TMEM51: variants seen among roughly 807,000 people sequenced by gnomAD.
TMEM51 encodes chromosome 1 open reading frame 72.
Under a neutral mutation model 13.6 loss-of-function variants are expected in TMEM51, and 8 were observed. The observed-to-expected ratio is 0.59, with a 90% confidence interval of 0.35 to 1.07. The LOEUF is 1.07. Among genes scored for constraint, TMEM51 ranks in the 50% least tolerant of loss-of-function variants. The probability of loss-of-function intolerance (pLI) is 0.02; values close to 1 mark genes in which losing one functional copy is unlikely to be tolerated. For synonymous variants in TMEM51, 147 were observed against 144.4 expected, an observed-to-expected ratio of 1.02 and a Z score of -0.13; for missense variants, 279 against 330.7, an observed-to-expected ratio of 0.84 and a Z score of 1.21.
intron 1 of TMEM51, among the ~76,000 whole-genome samples, chr1:15,169,443 A>G (rs1050321077): frequency 2.0e-5 from 3 of 152,044 alleles, no homozygotes; most frequent in African/African-American, 7.3e-5. Flanking sequence ...TAAAAATGAG[A>G]GCCTTTTCCC....
chr1:15,219,680 G>A lies in TMEM51; in HGVS notation c.699G>A (p.Leu233=). ...KNVPPPSIEP[L]TPPPQYDEVQ... ...TCCCTCCTCCCTCGATAGAGCCTTT[G>A]ACTCCTCCACCGCAGTATGATGAAG... The change falls in exon 4 of 4, where the codon TTG becomes TTA. Residue 233 remains leucine, a synonymous_variant. Transcript: ENST00000376008. 3 of 1,613,934 alleles carry A rather than the reference G, an allele frequency of 1.9e-6. No individual in the cohort carries two copies. The highest frequency in any genetic ancestry group is 2.5e-6 in the Non-Finnish European group (3 of 1,180,040).
At chr1:15,153,564 T>A (rs1002760854), upstream of TMEM51, among the ~76,000 whole-genome samples, 1 of 151,972 alleles carries the variant, frequency 6.6e-6, no homozygotes, top group Non-Finnish European at 1.5e-5. Context: ...TCCAGCGGCA[T>A]ACGCTGGGGA....
At chr1:15,210,041 A>G (rs993891211) in intron 1 of TMEM51, among the ~76,000 whole-genome samples, 4 of 151,962 alleles carry the variant, frequency 2.6e-5, no homozygotes, top group Non-Finnish European at 4.4e-5. Context: ...GAAGGAAGGA[A>G]GGGAGGAAGG....
chr1:15,210,024 CAGGA>C (rs1428283410), intron 1 of TMEM51, among the ~76,000 whole-genome samples: 3 of 151,370 alleles, frequency 2.0e-5, no homozygotes, highest in African/African-American at 7.3e-5. Flanking sequence ...AAGTAAGACT[CAGGA>C]AGGAAGGAAG....
At chr1:15,168,524 C>G (rs1643111978) in intron 1 of TMEM51, 4 of 1,304,624 alleles carry the variant, frequency 3.1e-6, no homozygotes, top group Non-Finnish European at 4.0e-6. Flanking sequence ...TGATTGGAAG[C>G]TGGTAGAACC....
intron 1 of TMEM51, among the ~76,000 whole-genome samples, chr1:15,205,406 G>A (rs925480239): frequency 6.6e-6 from 1 of 152,160 alleles, no homozygotes; most frequent in Non-Finnish European, 1.5e-5. Context: ...CTGAGGCTGA[G>A]CCCTCACCCT....
intron 1 of TMEM51, among the ~76,000 whole-genome samples, chr1:15,195,884 A>G (rs1644037968): frequency 6.6e-6 from 1 of 152,030 alleles, no homozygotes; most frequent in African/African-American, 2.4e-5. Context: ...AAAGAAGCCC[A>G]AGCAGTCCTG....
upstream of TMEM51, chr1:15,152,800 G>C (rs1045595396): frequency 6.6e-6 from 1 of 152,222 alleles, no homozygotes; most frequent in African/African-American, 2.4e-5. Context: ...AGGCTTCCGC[G>C]CCGACTTCGG....
At chr1:15,179,870 G>A (rs1463624079) in intron 1 of TMEM51, among the ~76,000 whole-genome samples, 2 of 152,320 alleles carry the variant, frequency 1.3e-5, no homozygotes, top group African/African-American at 4.8e-5. Flanking sequence ...CTGAAAGAAG[G>A]TATGCACATA....
At chr1:15,191,065 G>A (rs1643911674) in intron 1 of TMEM51, among the ~76,000 whole-genome samples, 2 of 152,230 alleles carry the variant, frequency 1.3e-5, no homozygotes, top group African/African-American at 4.8e-5. Context: ...GGGATTACAG[G>A]CGTGAGCCAC....
intron 1 of TMEM51, among the ~76,000 whole-genome samples, chr1:15,159,554 T>C (rs1642701912): frequency 6.6e-6 from 1 of 152,222 alleles, no homozygotes. Context: ...GGCATTTCTT[T>C]TTTTGTTTTG....
At position 15,207,075 on chromosome 1, in the gene TMEM51, C is replaced by A. The variant is rs1644263360; in HGVS notation, c.-266-3415C>A. On this transcript the variant is annotated intron_variant, in intron 1 of 3. Coordinates refer to ENST00000376008, the MANE Select transcript of TMEM51 (RefSeq NM_001136218.2). The surrounding 1 kb of genome is among the most constrained non-coding windows in gnomAD (Gnocchi z 4.6). ...CTGAAACTTGGCAGAGAGAGCCCCA[C>A]TGAATTCCTCCTTTGTGATGTGAAT... Among the ~76,000 whole-genome samples, 1 of 152,244 alleles carries A rather than the reference C, an allele frequency of 6.6e-6. No individual in the cohort carries two copies. Among genetic ancestry groups the A allele is most frequent in the African/African-American group, 2.4e-5 (1 of 41,468 alleles).
At chr1:15,164,838 C>T (rs1474943678) in intron 1 of TMEM51, among the ~76,000 whole-genome samples, 4 of 126,088 alleles carry the variant, frequency 3.2e-5, no homozygotes, top group African/African-American at 1.3e-4. Context: ...GAGTCTCGCT[C>T]TGTCGCCAGG....
At chr1:15,185,267 G>T (rs1573409104) in intron 1 of TMEM51, among the ~76,000 whole-genome samples, 1 of 150,604 alleles carries the variant, frequency 6.6e-6, no homozygotes, top group East Asian at 1.9e-4. Context: ...CTGCCACATT[G>T]CCCAAAACTG....
intron 1 of TMEM51, among the ~76,000 whole-genome samples, chr1:15,155,711 A>G (rs1642568770): frequency 6.6e-6 from 1 of 152,062 alleles, no homozygotes; most frequent in Admixed American, 6.6e-5. Context: ...GGTGTGGAAA[A>G]GTAAAGGGAA....
intron 1 of TMEM51, among the ~76,000 whole-genome samples, chr1:15,171,488 C>T (rs775839512): frequency 4.4e-4 from 67 of 152,176 alleles, no homozygotes; most frequent in South Asian, 4.2e-4. Flanking sequence ...CCATCCCCAG[C>T]CAAGTGTCCG....
chr1:15,155,977 G>A (rs1642578747), intron 1 of TMEM51, among the ~76,000 whole-genome samples: 2 of 152,166 alleles, frequency 1.3e-5, no homozygotes, highest in South Asian at 4.1e-4. Flanking sequence ...AGGAGAGAGA[G>A]GCTGGCCTGT....
intron 1 of TMEM51, among the ~76,000 whole-genome samples, chr1:15,170,286 C>T (rs1643201988): frequency 6.6e-6 from 1 of 152,030 alleles, no homozygotes; most frequent in Admixed American, 6.5e-5. Context: ...TCCTTTCCCT[C>T]CTCTCCCCCG....
intron 1 of TMEM51, among the ~76,000 whole-genome samples, chr1:15,190,458 C>T (rs1276547091): frequency 6.6e-6 from 1 of 152,216 alleles, no homozygotes; most frequent in Non-Finnish European, 1.5e-5. Flanking sequence ...CCACCTGAAG[C>T]TGCAAGAGCC....
Sources: gnomAD v4.1 joint callset for allele counts (sites outside exome capture counted in the v4.1 genomes callset) on GRCh38, gnomAD v4.1.1 for gene constraint, Gnocchi (gnomAD v3.1) non-coding constraint, MANE v1.5 for transcripts, NCBI Gene and HGNC (gene_info 2026-07-23, HGNC 2026-07-21) for gene names.